Variants in HECW2 observed in about 807,000 individuals in gnomAD.
The protein encoded by HECW2 is E3 ubiquitin-protein ligase HECW2.
A neutral mutation model predicts 175.2 loss-of-function variants in HECW2; 61 were observed. That is an observed-to-expected ratio of 0.35 (90% CI 0.28 to 0.43). The LOEUF is 0.43. HECW2 is among the 20% of genes least tolerant of loss of function. HECW2 has a pLI of 1.00. For missense variants in HECW2, 1,524 were observed against 2,000.5 expected (o/e 0.76, Z 4.54); for synonymous variants, 671 against 731.0 (o/e 0.92, Z 1.32).
intron 17 of HECW2, among the ~76,000 whole-genome samples, chr2:196,268,226 G>A (rs1489031922): frequency 6.6e-6 from 1 of 152,166 alleles, no homozygotes; most frequent in Non-Finnish European, 1.5e-5. Context: ...CTCTGGATAG[G>A]AGGAGTGGTA....
intron 2 of HECW2, among the ~76,000 whole-genome samples, chr2:196,415,641 G>T (rs1394070079): frequency 6.6e-6 from 1 of 152,228 alleles, no homozygotes; most frequent in Non-Finnish European, 1.5e-5. Flanking sequence ...GGGCTCCCAG[G>T]AGCCAGTAAG....
intron 1 of HECW2, among the ~76,000 whole-genome samples, chr2:196,472,389 G>A (rs1422224803): frequency 6.6e-6 from 1 of 150,986 alleles, no homozygotes; most frequent in African/African-American, 2.4e-5. Context: ...TCGAGAGGCT[G>A]AGGTGGGAGA....
In HECW2 at chr2:196,322,642, A is replaced by G. The variant is rs376694073; in HGVS notation, c.742-22T>C. 3.1e-6 allele frequency: 5 copies of G among 1,598,124 alleles called. No individual in the cohort carries two copies. In the African/African-American group the frequency reaches 4.0e-5, roughly 13 times the overall value. ...ATTTCTGAAAACACAAACAGATAAC[A>G]TGCTGGTTTAAAAGAAAGACAAATA... On this transcript the variant is annotated intron_variant, in intron 6 of 28. Coordinates refer to ENST00000644978, the MANE Select transcript of HECW2 (RefSeq NM_001348768.2).
At chr2:196,284,574 G>A (rs1421362282) in intron 14 of HECW2, among the ~76,000 whole-genome samples, 2 of 152,178 alleles carry the variant, frequency 1.3e-5, no homozygotes, top group Non-Finnish European at 2.9e-5. Context: ...TCAGGTCACA[G>A]CTGAATTGTG....
Position 196,253,917 on chromosome 2 carries a change from C to T in HECW2, c.3529+3G>A. On this transcript the variant is annotated splice_donor_region_variant and intron_variant, in intron 19 of 28. Coordinates refer to ENST00000644978, the MANE Select transcript of HECW2 (RefSeq NM_001348768.2). ...ATTCACTGTGAGCAGCAGGTGGACT[C>T]ACCTGGCGAGTTCTGAGGAGATGAC... is the stretch of plus-strand genomic sequence containing the variant. The T allele has an allele frequency of 6.2e-7, 1 of 1,613,662 alleles. No homozygotes were observed.
chr2:196,219,064 T>A (rs775978967), intron 26 of HECW2, among the ~76,000 whole-genome samples: 14 of 152,206 alleles, frequency 9.2e-5, no homozygotes, highest in South Asian at 2.1e-4. Context: ...CTACCTTTTT[T>A]AAAAAAAATC....
chr2:196,348,115 TTTAGA>T (rs1693027182), intron 2 of HECW2, among the ~76,000 whole-genome samples: 1 of 152,260 alleles, frequency 6.6e-6, no homozygotes, highest in Non-Finnish European at 1.5e-5. Context: ...TAATTAGTCC[TTTAGA>T]TTAAATTTTT....
At chr2:196,459,515 T>A (rs756699384) in intron 1 of HECW2, among the ~76,000 whole-genome samples, 2 of 151,862 alleles carry the variant, frequency 1.3e-5, no homozygotes, top group South Asian at 4.2e-4. Context: ...CCAGAAATCC[T>A]TGAAAACTCA....
chr2:196,387,906 A>G (rs917706844), intron 2 of HECW2, among the ~76,000 whole-genome samples: 2 of 152,202 alleles, frequency 1.3e-5, no homozygotes, highest in African/African-American at 2.4e-5. Context: ...GCAGCAGTAA[A>G]TAAGTTTTAT....
chr2:196,216,910 G>A (rs1236910701), intron 27 of HECW2, 98 bp downstream of exon 27: 2 of 752,510 alleles, frequency 2.7e-6, no homozygotes, highest in African/African-American at 3.8e-5. Flanking sequence ...GATACACATG[G>A]TATGTGTTTA....
chr2:196,389,108 G>A (rs553520208), intron 2 of HECW2, among the ~76,000 whole-genome samples: 70 of 152,280 alleles, frequency 4.6e-4, no homozygotes, highest in African/African-American at 1.3e-3. Context: ...GTCACTTTAT[G>A]GACCATTCAG....
At position 196,195,722 on chromosome 2, in the gene HECW2, C is replaced by T. The variant is rs189291393; in HGVS notation, c.*5555G>A. The stretch of plus-strand genomic sequence containing the variant: ...AATAAGTATAATGAAATAAAAGCAC[C>T]CTTTCTTTCATTTCATACATGGTGT... On this transcript the variant is annotated 3_prime_UTR_variant, in exon 29 of 29. Coordinates refer to ENST00000644978, the MANE Select transcript of HECW2 (RefSeq NM_001348768.2). 1.4e-3 allele frequency: 216 copies of T among 152,124 alleles called. No individual in the cohort carries two copies. The highest frequency in any genetic ancestry group is 4.8e-3 in the African/African-American group (198 of 41,482). 9.4% of individuals were successfully genotyped at this position (152,124 alleles called of 1,614,324 possible).
intron 14 of HECW2, among the ~76,000 whole-genome samples, chr2:196,287,046 A>G (rs1320605299): frequency 4.6e-5 from 7 of 152,212 alleles, no homozygotes; most frequent in Non-Finnish European, 8.8e-5. Context: ...TGGTAAAATG[A>G]GAATTCTCAA....
Position 196,273,049 on chromosome 2 carries a change from A to ATTTTTTT in HECW2, c.3238+965_3238+971dup, listed in dbSNP as rs778348590. On this transcript the variant is annotated intron_variant, in intron 16 of 28. Transcript: ENST00000644978. ...CAAAGATAAATGGAGAGCTGGTCTA[A>ATTTTTTT]TTTTTTTTTTTTTTTTTTTTTTTTT... Among the ~76,000 whole-genome samples the ATTTTTTT allele has an allele frequency of 5.6e-4, 63 of 113,098 alleles. 3 individuals are homozygous for ATTTTTTT. Among genetic ancestry groups the ATTTTTTT allele is most frequent in the African/African-American group, 2.3e-3 (61 of 25,994 alleles). The allele number at this position is 113,098 out of a possible 152,430, so 74.2% of individuals were successfully genotyped here. A position where few individuals can be genotyped will look rare whatever the true frequency, so the allele number is the denominator to read the frequency against.
At chr2:196,313,888 A>C (rs1691593499) in intron 10 of HECW2, among the ~76,000 whole-genome samples, 1 of 152,146 alleles carries the variant, frequency 6.6e-6, no homozygotes, top group African/African-American at 2.4e-5. Context: ...CCCTGTCTCT[A>C]CAAAAAATAA....
chr2:196,541,504 C>T (rs919644322), intron 1 of HECW2, among the ~76,000 whole-genome samples: 1 of 151,942 alleles, frequency 6.6e-6, no homozygotes, highest in African/African-American at 2.4e-5. Context: ...TTCCCAAGAG[C>T]CTTTAAGTCC....
intron 1 of HECW2, among the ~76,000 whole-genome samples, chr2:196,535,011 C>G (rs896017668): frequency 6.7e-6 from 1 of 150,196 alleles, no homozygotes; most frequent in East Asian, 1.9e-4. Context: ...CCAATTTGCA[C>G]GACAAAACGA....
At chr2:196,517,365 A>G (rs940025571) in intron 1 of HECW2, among the ~76,000 whole-genome samples, 1 of 152,234 alleles carries the variant, frequency 6.6e-6, no homozygotes, top group African/African-American at 2.4e-5. Context: ...TTTCAAACTA[A>G]ATTACCATAC....
At position 196,277,761 on chromosome 2, in the gene HECW2, C is replaced by T. The variant is rs545300095; in HGVS notation, c.3135+767G>A. Reference sequence around the variant, plus strand: ...ACAATGATAGACTGGATTAAGAAAACGTGGCACATATATACACCATGGAAT... The same window carrying T: ...ACAATGATAGACTGGATTAAGAAAATGTGGCACATATATACACCATGGAAT... On this transcript the variant is annotated intron_variant, in intron 15 of 28. Transcript: ENST00000644978. 7.2e-5 allele frequency among the ~76,000 whole-genome samples: 11 copies of T among 151,934 alleles called. No individual in the cohort carries two copies. In the East Asian group the frequency reaches 9.7e-4, roughly 13 times the overall value.
Sources: gnomAD v4.1 joint callset for allele counts (sites outside exome capture counted in the v4.1 genomes callset) on GRCh38, gnomAD v4.1.1 for gene constraint, MANE v1.5 for transcripts, NCBI Gene and HGNC (gene_info 2026-07-23, HGNC 2026-07-21) for gene names.